MED13: variants seen among roughly 807,000 people sequenced by gnomAD.
MED13 encodes the protein mediator of RNA polymerase II transcription subunit 13.
In MED13, 23 loss-of-function variants were observed where a neutral mutation model predicts 225.2. The observed-to-expected ratio is 0.10, with a 90% CI of 0.07 to 0.14. The LOEUF is 0.14. MED13 is among the 10% of genes least tolerant of loss of function. The pLI is 1.00. For missense variants in MED13, 2,197 were observed against 2,594.5 expected (o/e 0.85, Z 3.33); for synonymous variants, 942 against 889.2 (o/e 1.06, Z -1.06).
chr17:62,060,282 G>A (rs77588687), intron 2 of MED13, among the ~76,000 whole-genome samples: 11,064 of 151,548 alleles, frequency 0.073, 596 homozygotes, highest in South Asian at 0.31. Flanking sequence ...GACAAAGCAA[G>A]ACTCCATCTC....
intron 2 of MED13, 151 bp downstream of exon 2, chr17:62,062,916 A>C (rs2081052618): frequency 1.2e-5 from 7 of 587,120 alleles, no homozygotes; most frequent in Non-Finnish European, 2.0e-5. Context: ...AAAATAAAAT[A>C]ATCATGGTGA....
At chr17:62,038,079 G>A (rs988234369) in intron 3 of MED13, among the ~76,000 whole-genome samples, 2 of 146,340 alleles carry the variant, frequency 1.4e-5, no homozygotes, top group African/African-American at 5.0e-5. Context: ...GTTTTCAACT[G>A]TTTCATTTCA....
intron 8 of MED13, among the ~76,000 whole-genome samples, chr17:62,016,953 G>T (rs2080588064): frequency 6.6e-6 from 1 of 151,828 alleles, no homozygotes; most frequent in Non-Finnish European, 1.5e-5. Context: ...GAGGTTGCAA[G>T]TGAGCCAAGA....
intron 28 of MED13, 150 bp downstream of exon 28, chr17:61,950,675 T>TG: frequency 1.5e-6 from 1 of 675,724 alleles, no homozygotes; most frequent in South Asian, 2.5e-5. Flanking sequence ...TGAGCCACCG[T>TG]GCCTTCGTGA....
intron 23 of MED13, 53 bp downstream of exon 23, chr17:61,960,814 A>T (rs1486835544): frequency 9.2e-6 from 12 of 1,299,224 alleles, no homozygotes; most frequent in Non-Finnish European, 1.3e-5. Context: ...ATTAAAAATG[A>T]AACAAAATGT....
chr17:62,003,694 A>G (rs2080419022), intron 9 of MED13: 2 of 151,894 alleles, frequency 1.3e-5, no homozygotes, highest in South Asian at 4.1e-4. Context: ...CATAAGACAT[A>G]TGATTAAAAT....
chr17:62,032,095 C>T (rs556905662), intron 5 of MED13, among the ~76,000 whole-genome samples: 1 of 151,834 alleles, frequency 6.6e-6, no homozygotes, highest in East Asian at 1.9e-4. Flanking sequence ...TTTTCTGTTT[C>T]TGTCACAACT....
chr17:61,948,597 C>G (rs1374735143), intron 28 of MED13, among the ~76,000 whole-genome samples: 1 of 151,676 alleles, frequency 6.6e-6, no homozygotes, highest in African/African-American at 2.4e-5. Flanking sequence ...CCCAAAGGAC[C>G]AAAGAATCCT....
chr17:62,023,610 G>A (rs2080670638), intron 8 of MED13, among the ~76,000 whole-genome samples: 2 of 152,270 alleles, frequency 1.3e-5, no homozygotes, highest in South Asian at 4.1e-4. Context: ...CCTCCTATTA[G>A]CCAACTCCAG....
chr17:61,947,079 T>C lies in MED13; in HGVS notation c.6292-62A>G, dbSNP rs2079856891. ...CAGAAAATAATCTGCTATTTAGTTT[T>C]ACCTTATTCTCCCAATATATCTTAT... is the stretch of plus-strand genomic sequence containing the variant. On this transcript the variant is annotated intron_variant, in intron 28 of 29. Coordinates refer to ENST00000397786, the MANE Select transcript of MED13 (RefSeq NM_005121.3). The C allele has an allele frequency of 2.7e-6, 3 of 1,129,532 alleles. No individual in the cohort carries two copies. The South Asian group carries it at 3.7e-5, about 14-fold the overall frequency. The allele number at this position is 1,129,532 out of a possible 1,614,324, so 70.0% of individuals were successfully genotyped here. A position where few individuals can be genotyped will look rare whatever the true frequency, so the allele number is the denominator to read the frequency against.
At chr17:61,955,307 C>T in intron 26 of MED13, 75 bp downstream of exon 26, 2 of 1,221,660 alleles carry the variant, frequency 1.6e-6, no homozygotes, top group South Asian at 2.0e-5. Flanking sequence ...GTAACATTCA[C>T]ACGTTTCAGG....
intron 3 of MED13, among the ~76,000 whole-genome samples, chr17:62,039,280 A>G (rs1366342316): frequency 6.6e-6 from 1 of 152,166 alleles, no homozygotes; most frequent in Non-Finnish European, 1.5e-5. Context: ...TACTGGAGGG[A>G]AACAATATTC....
chr17:62,044,129 T>C (rs2080878258), intron 3 of MED13, among the ~76,000 whole-genome samples: 1 of 152,044 alleles, frequency 6.6e-6, no homozygotes, highest in Non-Finnish European at 1.5e-5. Context: ...CTATTTTTAA[T>C]CAGTTTTGGA....
intron 9 of MED13, among the ~76,000 whole-genome samples, chr17:61,996,436 G>A (rs553689447): frequency 9.9e-5 from 15 of 152,188 alleles, no homozygotes; most frequent in African/African-American, 2.9e-4. Context: ...AAAAACCAAA[G>A]TCCTTATACC....
chr17:62,045,862 C>G (rs758779470), intron 3 of MED13, among the ~76,000 whole-genome samples: 5 of 152,138 alleles, frequency 3.3e-5, no homozygotes, highest in Non-Finnish European at 7.3e-5. Context: ...GATTCTATTT[C>G]CTCTCTTTCA....
At chr17:62,013,741 T>C (rs1814598335) in intron 8 of MED13, among the ~76,000 whole-genome samples, 1 of 152,152 alleles carries the variant, frequency 6.6e-6, no homozygotes, top group Non-Finnish European at 1.5e-5. Flanking sequence ...GTCAACATTA[T>C]TACAAACTAT....
chr17:61,953,428 G>A (rs1166783662), intron 26 of MED13, among the ~76,000 whole-genome samples: 1 of 152,160 alleles, frequency 6.6e-6, no homozygotes, highest in Non-Finnish European at 1.5e-5. Flanking sequence ...GATTATTCTG[G>A]ATTATCCGGG....
chr17:62,016,709 G>A (rs991938111), intron 8 of MED13, among the ~76,000 whole-genome samples: 1 of 152,262 alleles, frequency 6.6e-6, no homozygotes, highest in African/African-American at 2.4e-5. Flanking sequence ...GATAAATCAA[G>A]TTCAATAAAA....
chr17:61,964,908 C>G, intron 20 of MED13, 98 bp downstream of exon 20: 1 of 1,160,310 alleles, frequency 8.6e-7, no homozygotes, highest in Admixed American at 2.6e-5. Flanking sequence ...TGCAGTACAG[C>G]CTGCGCAAAA....
Sources: allele counts gnomAD v4.1 joint callset (sites outside exome capture counted in the v4.1 genomes callset), GRCh38; gene constraint gnomAD v4.1.1; transcripts MANE v1.5; gene names NCBI Gene and HGNC (gene_info 2026-07-23, HGNC 2026-07-21).